The following CDH18 variants were observed in gnomAD, a reference collection of about 807,000 sequenced individuals.
The protein encoded by CDH18 is cadherin-18.
Under a neutral mutation model 67.9 loss-of-function variants are expected in CDH18, and 31 were observed. The ratio of observed to expected loss-of-function variants is 0.46; its 90% confidence interval spans 0.34 to 0.62. The LOEUF (loss-of-function observed/expected upper bound fraction) is 0.62. CDH18 is among the 20% of genes least tolerant of loss of function. The pLI, the probability that CDH18 is intolerant of heterozygous loss-of-function variation, is 0.01. For missense variants in CDH18, 890 were observed against 975.5 expected (o/e 0.91, Z 1.17); for synonymous variants, 362 against 347.2 (o/e 1.04, Z -0.48).
chr5:20,454,586 G>A (rs538962931), intron 1 of CDH18, among the ~76,000 whole-genome samples: 3 of 152,050 alleles, frequency 2.0e-5, no homozygotes, highest in African/African-American at 2.4e-5. Context: ...ACTGCAGAGC[G>A]TCTGGGACTT....
At position 19,845,273 on chromosome 5, in the gene CDH18, T is replaced by C. The variant is rs185748922; in HGVS notation, c.-256-6031A>G. On this transcript the variant is annotated intron_variant, in intron 2 of 12. Transcript: ENST00000382275. ...TCTCTTGACTTTTTTCTTTGACCCA[T>C]TGGTTGTTCAAGAATGTGCAGTTTA... 5.6e-4 allele frequency among the ~76,000 whole-genome samples: 85 copies of C among 152,248 alleles called. 1 individual carries two copies. The highest frequency in any genetic ancestry group is 2.0e-3 in the African/African-American group (82 of 41,580).
chr5:19,731,312 G>T (rs1370420416), intron 4 of CDH18, among the ~76,000 whole-genome samples: 2 of 152,120 alleles, frequency 1.3e-5, no homozygotes, highest in Non-Finnish European at 2.9e-5. Flanking sequence ...TTAGCCAGGT[G>T]TGGTGGCGGG....
chr5:20,056,762 C>T (rs1234629275), intron 2 of CDH18, among the ~76,000 whole-genome samples: 1 of 143,500 alleles, frequency 7.0e-6, no homozygotes, highest in African/African-American at 2.6e-5. Context: ...CGGCTCACTG[C>T]AAGCTCCACC....
chr5:20,506,052 G>T (rs1581124066), intron 1 of CDH18, among the ~76,000 whole-genome samples: 1 of 151,922 alleles, frequency 6.6e-6, no homozygotes, highest in African/African-American at 2.4e-5. Flanking sequence ...GAGAAAGAAA[G>T]GAGTCAAAAA....
intron 2 of CDH18, among the ~76,000 whole-genome samples, chr5:20,015,574 C>T (rs1030166757): frequency 7.2e-5 from 11 of 152,158 alleles, no homozygotes; most frequent in Non-Finnish European, 1.2e-4. Flanking sequence ...ATAGCTAATA[C>T]ATAAATGTTC....
chr5:19,614,740 T>C (rs1412036598), intron 5 of CDH18, among the ~76,000 whole-genome samples: 2 of 152,162 alleles, frequency 1.3e-5, no homozygotes, highest in Non-Finnish European at 2.9e-5. Flanking sequence ...CTACAACCAC[T>C]TCCAGGATGA....
chr5:20,534,928 T>C (rs1200582767), intron 1 of CDH18, among the ~76,000 whole-genome samples: 1 of 151,988 alleles, frequency 6.6e-6, no homozygotes, highest in African/African-American at 2.4e-5. Flanking sequence ...TATAAATATA[T>C]ATTAACACTT....
chr5:20,396,695 TA>T (rs1185600645), intron 1 of CDH18, among the ~76,000 whole-genome samples: 1 of 152,160 alleles, frequency 6.6e-6, no homozygotes, highest in African/African-American at 2.4e-5. Context: ...TTAGATGCAC[TA>T]AATTTTCTAT....
intron 1 of CDH18, among the ~76,000 whole-genome samples, chr5:20,429,285 A>T (rs1242831531): frequency 6.6e-6 from 1 of 152,146 alleles, no homozygotes; most frequent in Admixed American, 6.6e-5. Context: ...GAATCACATA[A>T]GTTACCATGC....
At chr5:19,476,030 A>G (rs1738404755) in intron 12 of CDH18, among the ~76,000 whole-genome samples, 1 of 152,040 alleles carries the variant, frequency 6.6e-6, no homozygotes. Context: ...AACTTGTGGA[A>G]GAGGAGTAGA....
chr5:19,819,743 A>C lies in CDH18; in HGVS notation c.228+19016T>G, dbSNP rs113832865. Among the ~76,000 whole-genome samples, 487 of 152,294 alleles carry C rather than the reference A, an allele frequency of 3.2e-3. 2 individuals are homozygous for C. The highest frequency in any genetic ancestry group is 9.5e-3 in the African/African-American group (395 of 41,582). On this transcript the variant is annotated intron_variant, in intron 3 of 12. Coordinates refer to ENST00000382275, the MANE Select transcript of CDH18 (RefSeq NM_004934.5). ...CTGCAAAACACAACCATAAGTGTCC[A>C]TCCCCCAAGGCTCTCCATCTTGCTC...
intron 2 of CDH18, among the ~76,000 whole-genome samples, chr5:19,964,639 C>T (rs1436065818): frequency 7.1e-6 from 1 of 141,576 alleles, no homozygotes; most frequent in East Asian, 2.0e-4. Flanking sequence ...CAGGGCAAGG[C>T]CCTGTATCAA....
chr5:19,740,717 C>T (rs549886854), intron 4 of CDH18, among the ~76,000 whole-genome samples: 1 of 152,226 alleles, frequency 6.6e-6, no homozygotes, highest in East Asian at 1.9e-4. Flanking sequence ...TGACAGCTAA[C>T]TCAAAAACCA....
At chr5:20,184,225 G>A (rs1166742001) in intron 2 of CDH18, among the ~76,000 whole-genome samples, 3 of 151,938 alleles carry the variant, frequency 2.0e-5, no homozygotes, top group Non-Finnish European at 4.4e-5. Flanking sequence ...TAAGGCACAG[G>A]CACTGACATC....
At chr5:20,137,452 T>C (rs1749829069) in intron 2 of CDH18, among the ~76,000 whole-genome samples, 1 of 152,142 alleles carries the variant, frequency 6.6e-6, no homozygotes, top group Admixed American at 6.6e-5. Flanking sequence ...TAAGGTCTTC[T>C]CTATGCTGTT....
chr5:20,237,445 A>G (rs1050457845), intron 2 of CDH18, among the ~76,000 whole-genome samples: 11 of 151,952 alleles, frequency 7.2e-5, no homozygotes, highest in African/African-American at 2.4e-4. Context: ...AAACTATAAA[A>G]AAGTAGTATA....
chr5:20,351,800 T>C (rs1741206952), intron 1 of CDH18, among the ~76,000 whole-genome samples: 1 of 152,134 alleles, frequency 6.6e-6, no homozygotes, highest in African/African-American at 2.4e-5. Context: ...AAATTTTGCC[T>C]GTTGGTGGGG....
At chr5:19,764,196 G>C (rs934742298) in intron 3 of CDH18, among the ~76,000 whole-genome samples, 10 of 149,246 alleles carry the variant, frequency 6.7e-5, no homozygotes, top group African/African-American at 2.5e-4. Flanking sequence ...AAAAAATACA[G>C]TACATATATG....
intron 1 of CDH18, among the ~76,000 whole-genome samples, chr5:20,448,427 C>T (rs1567301): frequency 0.79 from 119,775 of 151,992 alleles, 47,427 homozygotes; most frequent in Admixed American, 0.86. Context: ...TATTCAAAAC[C>T]TTGAATAAAC....
Sources: allele counts gnomAD v4.1 joint callset (sites outside exome capture counted in the v4.1 genomes callset), GRCh38; gene constraint gnomAD v4.1.1; transcripts MANE v1.5; gene names NCBI Gene and HGNC (gene_info 2026-07-23, HGNC 2026-07-21).